The following SMIM20 variants were observed in gnomAD, a reference collection of about 807,000 sequenced individuals.
SMIM20 encodes the protein small integral membrane protein 20, also known as mitochondrial translation regulation assembly intermediate of cytochrome c oxidase protein of 7 kDa.
SMIM20 carries 3 observed loss-of-function variants against 8.7 expected under a neutral mutation model. The observed-to-expected ratio is 0.34, with a 90% CI of 0.16 to 0.89. The LOEUF (loss-of-function observed/expected upper bound fraction) is 0.89, where lower values mean the gene tolerates loss of function less well. Among genes scored for constraint, SMIM20 ranks in the 40% least tolerant of loss-of-function variants. The probability of loss-of-function intolerance (pLI) is 0.49; values close to 1 mark genes in which losing one functional copy is unlikely to be tolerated. For missense variants in SMIM20, 85 were observed against 84.8 expected, an observed-to-expected ratio of 1.00 and a Z score of -0.01; for synonymous variants, 44 against 33.6, an observed-to-expected ratio of 1.31 and a Z score of -1.07.
At position 25,914,300 on chromosome 4, in the gene SMIM20, CGGGGCCT is replaced by C; in HGVS notation, c.-12_-6del. ...GGGCGGTCGGCGGGTCAGGGCAGCC[CGGGGCCT>C]GACGCCATGTCCCGGAACCTGCGCA... On this transcript the variant is annotated 5_prime_UTR_variant, in exon 1 of 3. Transcript: ENST00000506197. The C allele has an allele frequency of 6.5e-7, 1 of 1,548,922 alleles. No individual in the cohort carries two copies. The highest frequency in any genetic ancestry group is 8.7e-7 in the Non-Finnish European group (1 of 1,145,116).
At chr4:25,926,349 T>C (rs1719291568) in intron 1 of SMIM20, among the ~76,000 whole-genome samples, 1 of 152,216 alleles carries the variant, frequency 6.6e-6, no homozygotes, top group African/African-American at 2.4e-5. Context: ...AAAACATTAA[T>C]GGATTAAAGA....
chr4:25,921,627 G>A (rs1005895266), intron 1 of SMIM20, among the ~76,000 whole-genome samples: 15 of 152,200 alleles, frequency 9.9e-5, no homozygotes, highest in African/African-American at 3.4e-4. Flanking sequence ...GGAATATACC[G>A]ATCTGGGGCT....
intron 1 of SMIM20, among the ~76,000 whole-genome samples, chr4:25,923,894 A>G (rs1486035293): frequency 1.3e-5 from 2 of 152,256 alleles, no homozygotes; most frequent in Non-Finnish European, 1.5e-5. Flanking sequence ...CCTGGATTCA[A>G]CCAGGCTCTG....
intron 1 of SMIM20, among the ~76,000 whole-genome samples, chr4:25,927,213 A>T (rs75176187): frequency 0.016 from 2,436 of 152,302 alleles, 63 homozygotes; most frequent in African/African-American, 0.053. Flanking sequence ...TCCCTCTTAG[A>T]CTTGGATATC....
chr4:25,917,523 A>G (rs1210005075), intron 1 of SMIM20, among the ~76,000 whole-genome samples: 3 of 152,226 alleles, frequency 2.0e-5, no homozygotes, highest in Admixed American at 1.3e-4. Flanking sequence ...TGATCAGGTC[A>G]TGGAAACCCA....
chr4:25,927,685 A>T (rs938062518), intron 1 of SMIM20, among the ~76,000 whole-genome samples: 2 of 152,254 alleles, frequency 1.3e-5, no homozygotes, highest in Non-Finnish European at 2.9e-5. Flanking sequence ...GCCCACAGAT[A>T]TGAAATGCCC....
At chr4:25,922,482 G>C (rs1719217182) in intron 1 of SMIM20, among the ~76,000 whole-genome samples, 1 of 152,170 alleles carries the variant, frequency 6.6e-6, no homozygotes, top group Admixed American at 6.5e-5. Flanking sequence ...TTATGAGTAA[G>C]AGGCACCAAC....
At chr4:25,925,313 T>C (rs1719271791) in intron 1 of SMIM20, among the ~76,000 whole-genome samples, 1 of 152,198 alleles carries the variant, frequency 6.6e-6, no homozygotes, top group Non-Finnish European at 1.5e-5. Flanking sequence ...CTTGGCTGAC[T>C]ACAACCTCTG....
intron 1 of SMIM20, among the ~76,000 whole-genome samples, chr4:25,918,933 T>G (rs1244761375): frequency 7.2e-6 from 1 of 138,388 alleles, no homozygotes; most frequent in African/African-American, 2.6e-5. Flanking sequence ...AGTCTCGCTC[T>G]GTCGCCCAGG....
Position 25,929,247 on chromosome 4 carries a change from G to A in SMIM20, c.*56G>A. 1.3e-6 allele frequency: 2 copies of A among 1,536,866 alleles called. No individual in the cohort carries two copies. Among genetic ancestry groups the A allele is most frequent in the Non-Finnish European group, 1.8e-6 (2 of 1,133,616 alleles). The stretch of plus-strand genomic sequence containing the variant: ...GAGATTTCTTCATGCTTTCGATTCT[G>A]CATGGGGTACAGCCAGTCACCTCAC... On this transcript the variant is annotated 3_prime_UTR_variant, in exon 3 of 3. Coordinates refer to ENST00000506197, the MANE Select transcript of SMIM20 (RefSeq NM_001145432.3).
chr4:25,919,505 ATT>A (rs35072786), intron 1 of SMIM20, among the ~76,000 whole-genome samples: 5 of 147,770 alleles, frequency 3.4e-5, no homozygotes, highest in Non-Finnish European at 6.0e-5. Flanking sequence ...CGCCCGGCTA[ATT>A]TTTTTTTTTT....
At chr4:25,921,712 G>A (rs1719205497) in intron 1 of SMIM20, among the ~76,000 whole-genome samples, 1 of 152,212 alleles carries the variant, frequency 6.6e-6, no homozygotes, top group South Asian at 2.1e-4. Flanking sequence ...CACTGCAGTA[G>A]GTAAGGGTTC....
chr4:25,918,163 C>T (rs560604141), intron 1 of SMIM20, among the ~76,000 whole-genome samples: 76 of 152,056 alleles, frequency 5.0e-4, no homozygotes, highest in Admixed American at 3.7e-3. Context: ...AGGATGGTCT[C>T]GACCTCCTGA....
chr4:25,914,535 C>G (rs1719041175), intron 1 of SMIM20, 113 bp downstream of exon 1: 1 of 1,095,292 alleles, frequency 9.1e-7, no homozygotes, highest in Non-Finnish European at 1.2e-6. Flanking sequence ...TAGGGAGAGC[C>G]GGGTTCGAAT....
chr4:25,928,601 C>T (rs1711573252), intron 2 of SMIM20, among the ~76,000 whole-genome samples: 1 of 152,226 alleles, frequency 6.6e-6, no homozygotes, highest in Non-Finnish European at 1.5e-5. Context: ...TTCCTCTTTT[C>T]CATTTTATAA....
At chr4:25,922,394 T>C (rs1227767468) in intron 1 of SMIM20, among the ~76,000 whole-genome samples, 4 of 152,246 alleles carry the variant, frequency 2.6e-5, no homozygotes, top group African/African-American at 9.6e-5. Flanking sequence ...CTGCCATATC[T>C]AGGTTTGATG....
At chr4:25,916,087 T>C (rs1055171950) in intron 1 of SMIM20, among the ~76,000 whole-genome samples, 3 of 152,150 alleles carry the variant, frequency 2.0e-5, no homozygotes, top group Non-Finnish European at 4.4e-5. Context: ...GAATCTGTGG[T>C]TGTCTGAATG....
At chr4:25,918,049 TCTC>T (rs1004083794) in intron 1 of SMIM20, among the ~76,000 whole-genome samples, 8 of 151,614 alleles carry the variant, frequency 5.3e-5, no homozygotes, top group African/African-American at 1.9e-4. Flanking sequence ...TTCACGCCAT[TCTC>T]CTGCCTCAGC....
intron 1 of SMIM20, among the ~76,000 whole-genome samples, chr4:25,916,012 G>C (rs565536028): frequency 6.6e-6 from 1 of 152,232 alleles, no homozygotes; most frequent in South Asian, 2.1e-4. Context: ...CCCTGCTTGA[G>C]ATGAAATGGT....
Sources: allele counts gnomAD v4.1 joint callset (sites outside exome capture counted in the v4.1 genomes callset), GRCh38; gene constraint gnomAD v4.1.1; transcripts MANE v1.5; gene names NCBI Gene and HGNC (gene_info 2026-07-23, HGNC 2026-07-21).